FOXP1: variants seen among roughly 807,000 people sequenced by gnomAD.
FOXP1 encodes forkhead box P1, also known as forkhead box protein P1.
FOXP1 carries 15 observed loss-of-function variants against 98.2 expected under a neutral mutation model. The observed-to-expected ratio is 0.15, with a 90% CI of 0.10 to 0.24. The LOEUF (loss-of-function observed/expected upper bound fraction) is 0.24. Among genes scored for constraint, FOXP1 ranks in the 10% least tolerant of loss-of-function variants. The pLI, the probability that FOXP1 is intolerant of heterozygous loss-of-function variation, is 1.00. For synonymous variants in FOXP1, 371 were observed against 314.5 expected (o/e 1.18, Z -1.90); for missense variants, 633 against 848.5 (o/e 0.75, Z 3.15).
chr3:71,157,342 T>C (rs1179341776), intron 6 of FOXP1, among the ~76,000 whole-genome samples: 2 of 152,150 alleles, frequency 1.3e-5, no homozygotes, highest in African/African-American at 4.8e-5. Flanking sequence ...TTTTTAAAAA[T>C]AGTCTTTTGG....
chr3:71,002,467 A>G (rs1322469334), intron 12 of FOXP1, among the ~76,000 whole-genome samples: 2 of 152,224 alleles, frequency 1.3e-5, no homozygotes, highest in Non-Finnish European at 2.9e-5. Context: ...TGAACAAACA[A>G]TAGAAGACCA....
At position 70,958,305 on chromosome 3, in the gene FOXP1, G is replaced by GTCTC. The variant is rs912979818; in HGVS notation, c.*938_*941dup. 1.9e-6 allele frequency: 1 copy of GTCTC among 534,344 alleles called. No homozygotes were observed. Among genetic ancestry groups the GTCTC allele is most frequent in the Non-Finnish European group, 3.6e-6 (1 of 276,146 alleles). 33.1% of individuals were successfully genotyped at this position (534,344 alleles called of 1,614,324 possible). ...TGAATCGGCATTGTTCCTAGAGTTT[G>GTCTC]TCTCTCTTTTTTTTTTCTGTCATTC... is the stretch of plus-strand genomic sequence containing the variant. On this transcript the variant is annotated 3_prime_UTR_variant, in exon 21 of 21. Transcript: ENST00000649528.
At chr3:71,087,131 A>G (rs1481214692) in intron 7 of FOXP1, among the ~76,000 whole-genome samples, 1 of 152,186 alleles carries the variant, frequency 6.6e-6, no homozygotes, top group East Asian at 1.9e-4. Flanking sequence ...CTCTTATAGT[A>G]CCTTGGATTT....
intron 7 of FOXP1, among the ~76,000 whole-genome samples, chr3:71,086,080 T>C (rs1237279601): frequency 6.6e-6 from 1 of 152,188 alleles, no homozygotes; most frequent in Non-Finnish European, 1.5e-5. Flanking sequence ...AAGGTCATGG[T>C]GGCAGGTCAC....
intron 5 of FOXP1, among the ~76,000 whole-genome samples, chr3:71,269,940 G>C (rs1003790178): frequency 2.0e-5 from 3 of 152,160 alleles, no homozygotes; most frequent in African/African-American, 7.2e-5. Flanking sequence ...TTAGAGGCAG[G>C]GGGGAAAAGG....
intron 5 of FOXP1, among the ~76,000 whole-genome samples, chr3:71,263,222 C>A (rs1053598204): frequency 6.6e-6 from 1 of 152,076 alleles, no homozygotes; most frequent in Non-Finnish European, 1.5e-5. Context: ...CAGCCATGGA[C>A]AGAATCAGAC....
At chr3:70,970,670 A>G in intron 19 of FOXP1, 66 bp downstream of exon 19, 1 of 1,211,310 alleles carries the variant, frequency 8.3e-7, no homozygotes, top group South Asian at 1.2e-5. Flanking sequence ...CAAGGCTAAT[A>G]TATTTTGAAA....
At chr3:71,328,974 T>TGAAA (rs1325008470) in intron 4 of FOXP1, among the ~76,000 whole-genome samples, 1 of 31,166 alleles carries the variant, frequency 3.2e-5, no homozygotes, top group African/African-American at 9.0e-5. Flanking sequence ...TCCATCTCGC[T>TGAAA]AAAAAAAAAA....
intron 10 of FOXP1, among the ~76,000 whole-genome samples, chr3:71,042,841 T>A (rs369827067): frequency 6.6e-6 from 1 of 152,224 alleles, no homozygotes; most frequent in African/African-American, 2.4e-5. Context: ...AATGGATAGA[T>A]AATCATCTCA....
chr3:71,068,557 C>T (rs1237137161), intron 7 of FOXP1, among the ~76,000 whole-genome samples: 3 of 152,124 alleles, frequency 2.0e-5, no homozygotes, highest in African/African-American at 2.4e-5. Context: ...AGAAAGGATA[C>T]GAGCATGGGG....
intron 3 of FOXP1, among the ~76,000 whole-genome samples, chr3:71,402,834 A>G (rs1259689813): frequency 6.6e-6 from 1 of 152,258 alleles, no homozygotes; most frequent in Non-Finnish European, 1.5e-5. Flanking sequence ...AAAAGCAAAT[A>G]GGACAAGCTG....
chr3:71,429,176 C>T (rs2108373648), intron 3 of FOXP1, among the ~76,000 whole-genome samples: 1 of 152,298 alleles, frequency 6.6e-6, no homozygotes, highest in South Asian at 2.1e-4. Context: ...TTATCACCCA[C>T]AACCTCGCCC....
chr3:71,544,368 T>A (rs1354672790), intron 2 of FOXP1, among the ~76,000 whole-genome samples: 12 of 109,462 alleles, frequency 1.1e-4, no homozygotes, highest in East Asian at 2.5e-4. Flanking sequence ...CAAAGGAAAG[T>A]AAAGAAATGG....
intron 2 of FOXP1, among the ~76,000 whole-genome samples, chr3:71,555,531 A>G (rs2046062398): frequency 6.6e-6 from 1 of 152,238 alleles, no homozygotes; most frequent in South Asian, 2.1e-4. Context: ...TCCCAGATAA[A>G]CTGACATAAA....
At chr3:71,368,140 T>G (rs80114623) in intron 3 of FOXP1, among the ~76,000 whole-genome samples, 2 of 152,160 alleles carry the variant, frequency 1.3e-5, no homozygotes, top group Non-Finnish European at 2.9e-5. Flanking sequence ...TTATTTATTT[T>G]TTTAGATGGA....
chr3:71,329,896 A>G (rs1367963922), intron 4 of FOXP1: 1 of 152,194 alleles, frequency 6.6e-6, no homozygotes, highest in Non-Finnish European at 1.5e-5. Context: ...TTCATTTGAC[A>G]AGACACAATC....
chr3:71,267,794 G>A (rs1421145040), intron 5 of FOXP1, among the ~76,000 whole-genome samples: 3 of 152,134 alleles, frequency 2.0e-5, no homozygotes, highest in Non-Finnish European at 4.4e-5. Context: ...GAGGCAGGCA[G>A]ATCACCTGAG....
chr3:71,105,809 G>T (rs1347255116), intron 7 of FOXP1, among the ~76,000 whole-genome samples: 1 of 152,004 alleles, frequency 6.6e-6, no homozygotes, highest in African/African-American at 2.4e-5. Flanking sequence ...GACAAATAAA[G>T]ATATACTTAG....
intron 5 of FOXP1, among the ~76,000 whole-genome samples, chr3:71,251,623 TG>T (rs1280188161): frequency 6.6e-6 from 1 of 152,198 alleles, no homozygotes; most frequent in Non-Finnish European, 1.5e-5. Flanking sequence ...AGCAGGAAGC[TG>T]AGCCATCTAC....
Sources: gnomAD v4.1 joint callset for allele counts (sites outside exome capture counted in the v4.1 genomes callset) on GRCh38, gnomAD v4.1.1 for gene constraint, MANE v1.5 for transcripts, NCBI Gene and HGNC (gene_info 2026-07-23, HGNC 2026-07-21) for gene names.